Variants in ASTN1 observed in about 807,000 individuals in gnomAD.
ASTN1 encodes astrotactin 1, also known as astrotactin-1.
Under a neutral mutation model 140.7 loss-of-function variants are expected in ASTN1, and 41 were observed. That is an observed-to-expected ratio of 0.29 (90% CI 0.23 to 0.38). The LOEUF (loss-of-function observed/expected upper bound fraction) is 0.38, where lower values mean the gene tolerates loss of function less well. ASTN1 is among the 10% of genes least tolerant of loss of function. ASTN1 has a pLI of 1.00. For missense variants in ASTN1, 1,479 were observed against 1,678.8 expected (o/e 0.88, Z 2.08); for synonymous variants, 640 against 652.2 (o/e 0.98, Z 0.29).
intron 1 of ASTN1, among the ~76,000 whole-genome samples, chr1:177,093,510 C>T (rs911256022): frequency 1.3e-5 from 2 of 152,184 alleles, no homozygotes; most frequent in Admixed American, 6.5e-5. Context: ...CCCATACTTA[C>T]TTCATTTGAT....
intron 7 of ASTN1, among the ~76,000 whole-genome samples, chr1:177,022,041 G>T (rs1174243613): frequency 6.6e-6 from 1 of 152,088 alleles, no homozygotes; most frequent in African/African-American, 2.4e-5. Context: ...CTCCATATGG[G>T]GGCCTAGAAT....
intron 8 of ASTN1, among the ~76,000 whole-genome samples, chr1:177,014,269 CA>C (rs1215684701): frequency 1.3e-5 from 2 of 152,208 alleles, no homozygotes; most frequent in East Asian, 3.9e-4. Context: ...TAGGGGAAAA[CA>C]AAAGTCTCAT....
chr1:177,164,663 C>G lies in ASTN1; in HGVS notation c.14G>C (p.Gly5Ala), dbSNP rs1189105946. The G allele has an allele frequency of 6.3e-7, 1 of 1,579,980 alleles. No homozygotes were observed. The highest frequency in any genetic ancestry group is 8.6e-7 in the Non-Finnish European group (1 of 1,163,734). Residue 5 changes from glycine (G) to alanine (A), a missense_variant, in exon 1 of 23, where the codon GGG (glycine) becomes GCG (alanine). Gly to Ala is a moderately conservative substitution (Grantham distance 60, BLOSUM62 0). Coordinates refer to ENST00000361833, the MANE Select transcript of ASTN1 (RefSeq NM_004319.3). ...GCAGCAGGCGAGCAGGGCGCAGAGC[C>G]CGGCTAAAGCCATCTTGAGCCCCGG... MALA[G>A]LCALLACCWG...
intron 14 of ASTN1, 48 bp downstream of exon 14, chr1:176,943,839 CAGGG>C: frequency 1.3e-6 from 2 of 1,522,132 alleles, no homozygotes; most frequent in Non-Finnish European, 8.8e-7. Flanking sequence ...TATGAAACTG[CAGGG>C]AGCTGCCTGT....
intron 1 of ASTN1, among the ~76,000 whole-genome samples, chr1:177,150,924 T>C (rs1434662929): frequency 6.6e-6 from 1 of 152,118 alleles, no homozygotes; most frequent in Non-Finnish European, 1.5e-5. Flanking sequence ...ACAGAGACCA[T>C]ATGGTCTAAA....
At chr1:176,986,356 A>G (rs1236570657) in intron 8 of ASTN1, among the ~76,000 whole-genome samples, 1 of 152,252 alleles carries the variant, frequency 6.6e-6, no homozygotes, top group Non-Finnish European at 1.5e-5. Context: ...TTGAGCATCC[A>G]AAATACAGGT....
intron 8 of ASTN1, among the ~76,000 whole-genome samples, chr1:177,014,211 C>T (rs1157667623): frequency 6.6e-6 from 1 of 151,862 alleles, no homozygotes; most frequent in Non-Finnish European, 1.5e-5. Context: ...AAAATAAAAA[C>T]AAAAAAGGAA....
chr1:177,029,242 G>C (rs909333625), intron 5 of ASTN1: 1 of 455,006 alleles, frequency 2.2e-6, no homozygotes, highest in Admixed American at 2.6e-5. Context: ...TCAAACCCAA[G>C]GCCAATGTGG....
At chr1:177,012,321 G>A (rs1675333544) in intron 8 of ASTN1, among the ~76,000 whole-genome samples, 2 of 152,152 alleles carry the variant, frequency 1.3e-5, no homozygotes, top group South Asian at 2.1e-4. Flanking sequence ...GTCATTTTAT[G>A]AGGAAAAATA....
chr1:176,939,322 C>G (rs891463464), intron 14 of ASTN1, among the ~76,000 whole-genome samples: 2 of 152,068 alleles, frequency 1.3e-5, no homozygotes, highest in Admixed American at 1.3e-4. Flanking sequence ...AATAAAGAAA[C>G]AAGCACAGAT....
intron 8 of ASTN1, among the ~76,000 whole-genome samples, chr1:176,995,247 T>G (rs545010163): frequency 5.9e-5 from 9 of 152,262 alleles, no homozygotes; most frequent in African/African-American, 1.9e-4. Flanking sequence ...CAGCTTGGGA[T>G]AGTATGGGCA....
chr1:177,049,225 C>G (rs976902347), intron 2 of ASTN1, among the ~76,000 whole-genome samples: 1 of 152,190 alleles, frequency 6.6e-6, no homozygotes, highest in African/African-American at 2.4e-5. Flanking sequence ...CCCCAAGGCA[C>G]AGGACATAGC....
intron 2 of ASTN1, among the ~76,000 whole-genome samples, chr1:177,054,451 G>C (rs907743195): frequency 6.6e-6 from 1 of 152,096 alleles, no homozygotes; most frequent in African/African-American, 2.4e-5. Context: ...ACAAGAAATC[G>C]TGAAATCAGT....
chr1:177,023,255 G>A (rs1006723055), intron 7 of ASTN1, 149 bp downstream of exon 7: 140 of 992,194 alleles, frequency 1.4e-4, no homozygotes, highest in Non-Finnish European at 4.3e-5. Context: ...TAAGCTCTGC[G>A]GCCCAACCAC....
At chr1:177,064,284 C>T (rs1208060836) in intron 1 of ASTN1, among the ~76,000 whole-genome samples, 4 of 152,156 alleles carry the variant, frequency 2.6e-5, no homozygotes, top group East Asian at 1.9e-4. Flanking sequence ...ACTAGGTCTT[C>T]GTATCCCATG....
At chr1:176,999,561 AG>A (rs1674619196) in intron 8 of ASTN1, among the ~76,000 whole-genome samples, 1 of 152,252 alleles carries the variant, frequency 6.6e-6, no homozygotes. Context: ...TTCAACCTTC[AG>A]GAAGATCTCT....
At chr1:176,951,529 GC>G (rs1413163495) in intron 11 of ASTN1, among the ~76,000 whole-genome samples, 3 of 152,206 alleles carry the variant, frequency 2.0e-5, no homozygotes, top group Non-Finnish European at 4.4e-5. Flanking sequence ...TATGGTTTCA[GC>G]CCTTGTACCA....
chr1:177,146,126 G>A (rs546810553), intron 1 of ASTN1, among the ~76,000 whole-genome samples: 6 of 151,806 alleles, frequency 4.0e-5, no homozygotes, highest in East Asian at 3.9e-4. Flanking sequence ...TTTCCAAAAC[G>A]AAAAATAGTG....
chr1:176,895,651 G>A (rs767829101), intron 16 of ASTN1, among the ~76,000 whole-genome samples: 54 of 152,236 alleles, frequency 3.5e-4, no homozygotes, highest in Non-Finnish European at 5.9e-4. Flanking sequence ...TTGAGTAAAG[G>A]ATAGTTAAAG....
Sources: gnomAD v4.1 joint callset for allele counts (sites outside exome capture counted in the v4.1 genomes callset) on GRCh38, gnomAD v4.1.1 for gene constraint, MANE v1.5 for transcripts, NCBI Gene and HGNC (gene_info 2026-07-23, HGNC 2026-07-21) for gene names.